CFAP299: variants seen among roughly 807,000 people sequenced by gnomAD.
CFAP299 encodes the protein cilia and flagella associated protein 299.
Under a neutral mutation model 27.0 loss-of-function variants are expected in CFAP299, and 21 were observed. The ratio of observed to expected loss-of-function variants is 0.78; its 90% confidence interval spans 0.55 to 1.12. The LOEUF (loss-of-function observed/expected upper bound fraction) is 1.12, where lower values mean the gene tolerates loss of function less well. Ranked by LOEUF, CFAP299 falls within the 50% of genes most tolerant of loss-of-function variation. The probability of loss-of-function intolerance (pLI) is 0.00; values close to 1 mark genes in which losing one functional copy is unlikely to be tolerated. For synonymous variants in CFAP299, 104 were observed against 98.1 expected (o/e 1.06, Z -0.36); for missense variants, 310 against 276.6 (o/e 1.12, Z -0.86).
chr4:80,756,690 T>C lies in CFAP299; in HGVS notation c.334-113303T>C, dbSNP rs11943681. On this transcript the variant is annotated intron_variant, in intron 3 of 5. Transcript: ENST00000358105. Reference sequence around the variant, plus strand: ...TGTTTATGAGTTATTTATGGATGCTTTCATGCTATAATGACTGAGTTGAGT... The same window carrying C: ...TGTTTATGAGTTATTTATGGATGCTCTCATGCTATAATGACTGAGTTGAGT... Among the ~76,000 whole-genome samples, 404 of 152,286 alleles carry C rather than the reference T, an allele frequency of 2.7e-3. 2 individuals carry two copies. Among genetic ancestry groups the C allele is most frequent in the Non-Finnish European group, 3.9e-3 (263 of 68,000 alleles).
intron 3 of CFAP299, among the ~76,000 whole-genome samples, chr4:80,767,805 A>ATTT: frequency 6.6e-6 from 1 of 152,070 alleles, no homozygotes; most frequent in South Asian, 2.1e-4. Context: ...TTTATTTATT[A>ATTT]TTGGATGACT....
At chr4:80,446,206 A>G (rs1054851082) in intron 2 of CFAP299, among the ~76,000 whole-genome samples, 1 of 152,156 alleles carries the variant, frequency 6.6e-6, no homozygotes, top group Admixed American at 6.5e-5. Flanking sequence ...CACCTGTGGA[A>G]CTCTGCAGTT....
At chr4:80,852,848 A>C (rs1578183431) in intron 3 of CFAP299, among the ~76,000 whole-genome samples, 1 of 152,136 alleles carries the variant, frequency 6.6e-6, no homozygotes, top group East Asian at 1.9e-4. Flanking sequence ...ATTCCTTTTG[A>C]TAGATGCATA....
At chr4:80,414,899 G>A (rs1726924578) in intron 2 of CFAP299, among the ~76,000 whole-genome samples, 1 of 152,104 alleles carries the variant, frequency 6.6e-6, no homozygotes, top group Non-Finnish European at 1.5e-5. Flanking sequence ...ATTCATACAC[G>A]TTTGTGTTAA....
intron 2 of CFAP299, among the ~76,000 whole-genome samples, chr4:80,474,584 C>A (rs1283724334): frequency 1.3e-5 from 2 of 152,226 alleles, no homozygotes; most frequent in East Asian, 3.9e-4. Context: ...GGTTTTATAT[C>A]ATATGATAGA....
intron 2 of CFAP299, among the ~76,000 whole-genome samples, chr4:80,416,792 A>G (rs925548557): frequency 1.3e-5 from 2 of 152,170 alleles, no homozygotes; most frequent in Non-Finnish European, 2.9e-5. Context: ...TGACATTCTG[A>G]AAAAGGAGGT....
intron 4 of CFAP299, among the ~76,000 whole-genome samples, chr4:80,918,708 G>A (rs73829199): frequency 1.3e-5 from 2 of 152,090 alleles, no homozygotes; most frequent in African/African-American, 4.8e-5. Flanking sequence ...CTAATGGTGA[G>A]AGGGAGACTT....
At chr4:80,676,229 C>T (rs1353600060) in intron 3 of CFAP299, among the ~76,000 whole-genome samples, 2 of 152,128 alleles carry the variant, frequency 1.3e-5, no homozygotes, top group African/African-American at 2.4e-5. Context: ...TGTTTTTGTC[C>T]TTGGTTCTGT....
intron 1 of CFAP299, among the ~76,000 whole-genome samples, chr4:80,340,844 C>T (rs981120279): frequency 3.3e-5 from 5 of 151,854 alleles, no homozygotes; most frequent in African/African-American, 7.2e-5. Flanking sequence ...GGTGCGATCT[C>T]GGCTCACAGC....
intron 2 of CFAP299, among the ~76,000 whole-genome samples, chr4:80,401,768 C>T (rs999673613): frequency 7.9e-5 from 12 of 152,128 alleles, no homozygotes; most frequent in African/African-American, 4.8e-5. Context: ...TTCCCAGAAT[C>T]GTAGATCCAC....
rs1317218498 is a variant in CFAP299, at chr4:80,870,077, G to T, written c.418G>T (p.Asp140Tyr). The change falls in exon 4 of 6, where the codon GAT becomes TAT. Residue 140 changes from aspartate (D) to tyrosine (Y), a missense_variant. Transcript: ENST00000358105. ...IDYAHRLKTE[D>Y]FEVYFTGKKR... The stretch of plus-strand genomic sequence containing the variant: ...CTATGCCCACAGGCTAAAGACGGAA[G>T]ATTTTGAAGTCTACTTTACTGGAAA... The T allele has an allele frequency of 1.2e-6, 2 of 1,613,608 alleles. No individual in the cohort carries two copies. Among genetic ancestry groups the T allele is most frequent in the Non-Finnish European group, 1.7e-6 (2 of 1,179,678 alleles).
Position 80,418,217 on chromosome 4 carries a change from T to C in CFAP299, c.242+55333T>C, listed in dbSNP as rs1489470729. 3.3e-5 allele frequency among the ~76,000 whole-genome samples: 5 copies of C among 152,182 alleles called. No individual in the cohort carries two copies. In the East Asian group the frequency reaches 9.7e-4, roughly 30 times the overall value. On this transcript the variant is annotated intron_variant, in intron 2 of 5. Coordinates refer to ENST00000358105, the MANE Select transcript of CFAP299 (RefSeq NM_152770.3). ...CTGTAAATTTTGTGATTCTGGAAGA[T>C]GTACAACAAGCCCCACTATTCTATG...
At chr4:80,786,846 T>A (rs1727274128) in intron 3 of CFAP299, among the ~76,000 whole-genome samples, 1 of 152,114 alleles carries the variant, frequency 6.6e-6, no homozygotes, top group Non-Finnish European at 1.5e-5. Context: ...TACCAATGCT[T>A]AAATCTGGAT....
At chr4:80,581,018 A>C (rs1253148348) in intron 2 of CFAP299, among the ~76,000 whole-genome samples, 1 of 151,862 alleles carries the variant, frequency 6.6e-6, no homozygotes, top group Admixed American at 6.6e-5. Context: ...ATCTCTTGCA[A>C]TTTTAAACCA....
chr4:80,859,861 A>G (rs938464314), intron 3 of CFAP299, among the ~76,000 whole-genome samples: 5 of 151,610 alleles, frequency 3.3e-5, no homozygotes, highest in Non-Finnish European at 7.4e-5. Flanking sequence ...CTTCATTTCA[A>G]CGTTGGTGAA....
At position 80,468,172 on chromosome 4, in the gene CFAP299, T is replaced by C. The variant is rs1356531492; in HGVS notation, c.242+105288T>C. Among the ~76,000 whole-genome samples the C allele has an allele frequency of 3.3e-5, 5 of 152,198 alleles. No homozygotes were observed. The East Asian group carries it at 9.7e-4, about 29-fold the overall frequency. On this transcript the variant is annotated intron_variant, in intron 2 of 5. Coordinates refer to ENST00000358105, the MANE Select transcript of CFAP299 (RefSeq NM_152770.3). Reference sequence around the variant, plus strand: ...AAATGTAATCCGGATTTTTTACTTATAAAGTAAGATTGAGCAAAGAAAATA... The same window carrying C: ...AAATGTAATCCGGATTTTTTACTTACAAAGTAAGATTGAGCAAAGAAAATA...
intron 3 of CFAP299, among the ~76,000 whole-genome samples, chr4:80,723,535 TAAAG>T (rs1319464939): frequency 6.6e-6 from 1 of 152,100 alleles, no homozygotes; most frequent in Non-Finnish European, 1.5e-5. Flanking sequence ...AATCTATAGT[TAAAG>T]AAACTACATC....
intron 3 of CFAP299, among the ~76,000 whole-genome samples, chr4:80,609,466 T>G (rs1300024183): frequency 6.6e-6 from 1 of 152,082 alleles, no homozygotes; most frequent in Non-Finnish European, 1.5e-5. Context: ...TTATAGGGTT[T>G]ATTTATTAAA....
chr4:80,463,712 C>G (rs993326655), intron 2 of CFAP299, among the ~76,000 whole-genome samples: 1 of 152,058 alleles, frequency 6.6e-6, no homozygotes, highest in Non-Finnish European at 1.5e-5. Flanking sequence ...CCTTATTTAA[C>G]CATAATTTCC....
Sources: allele counts gnomAD v4.1 joint callset (sites outside exome capture counted in the v4.1 genomes callset), GRCh38; gene constraint gnomAD v4.1.1; transcripts MANE v1.5; gene names NCBI Gene and HGNC (gene_info 2026-07-23, HGNC 2026-07-21).